The following FUT9 variants were observed in gnomAD, a reference collection of about 807,000 sequenced individuals.
FUT9 encodes the protein fucosyltransferase 9.
Under a neutral mutation model 29.7 loss-of-function variants are expected in FUT9, and 15 were observed. The ratio of observed to expected loss-of-function variants is 0.51; its 90% confidence interval spans 0.34 to 0.78. The LOEUF (loss-of-function observed/expected upper bound fraction) is 0.78. FUT9 is among the 30% of genes least tolerant of loss of function. FUT9 has a pLI of 0.01. For missense variants in FUT9, 319 were observed against 425.4 expected (o/e 0.75, Z 2.20); for synonymous variants, 169 against 153.7 (o/e 1.10, Z -0.74).
chr6:96,081,743 T>C (rs543305359), intron 1 of FUT9, among the ~76,000 whole-genome samples: 1 of 152,030 alleles, frequency 6.6e-6, no homozygotes, highest in African/African-American at 2.4e-5. Flanking sequence ...CAATAGATTA[T>C]GCCAAACTAT....
At chr6:96,052,474 A>C (rs1770688506) in intron 1 of FUT9, among the ~76,000 whole-genome samples, 1 of 152,196 alleles carries the variant, frequency 6.6e-6, no homozygotes, top group Admixed American at 6.5e-5. Context: ...ATGCATCACA[A>C]GGTTCCAAGT....
intron 1 of FUT9, among the ~76,000 whole-genome samples, chr6:96,027,919 T>A (rs1314341060): frequency 1.3e-5 from 2 of 151,652 alleles, no homozygotes; most frequent in African/African-American, 2.4e-5. Flanking sequence ...TGTAATTTTT[T>A]TGTCCCTACA....
At chr6:96,145,625 T>G (rs534810637) in intron 2 of FUT9, among the ~76,000 whole-genome samples, 2 of 152,182 alleles carry the variant, frequency 1.3e-5, no homozygotes, top group Non-Finnish European at 1.5e-5. Context: ...AAGGCCTCAT[T>G]GTGGAAACTT....
Position 96,095,440 on chromosome 6 carries a change from C to T in FUT9, c.-97-18599C>T, listed in dbSNP as rs139954838. Among the ~76,000 whole-genome samples the T allele has an allele frequency of 1.9e-3, 290 of 152,260 alleles. 2 individuals carry two copies. Among genetic ancestry groups the T allele is most frequent in the African/African-American group, 6.7e-3 (277 of 41,548 alleles). ...TCAACTAGGCTTGCCCCACCATTCA[C>T]CATAGCTTTTCCTGTCTAACATACC... On this transcript the variant is annotated intron_variant, in intron 1 of 2. Transcript: ENST00000302103.
chr6:96,062,148 C>T (rs1055863262), intron 1 of FUT9, among the ~76,000 whole-genome samples: 1 of 151,820 alleles, frequency 6.6e-6, no homozygotes, highest in African/African-American at 2.4e-5. Flanking sequence ...ATGTAGCAAA[C>T]CTGCATGTTC....
intron 1 of FUT9, among the ~76,000 whole-genome samples, chr6:96,018,557 A>G (rs1266556238): frequency 6.6e-6 from 1 of 152,108 alleles, no homozygotes; most frequent in Non-Finnish European, 1.5e-5. Context: ...AGGCACACCA[A>G]TATTGGAATG....
chr6:96,114,236 T>C (rs1169640715), intron 2 of FUT9, 109 bp downstream of exon 2: 2 of 152,108 alleles, frequency 1.3e-5, no homozygotes, highest in Non-Finnish European at 1.5e-5. Flanking sequence ...CTAAAACTCA[T>C]CCAAGTTACA....
At chr6:96,106,213 C>CCTTCCTTCCTTCCTT (rs1771681397) in intron 1 of FUT9, among the ~76,000 whole-genome samples, 1 of 137,142 alleles carries the variant, frequency 7.3e-6, no homozygotes, top group Non-Finnish European at 1.6e-5. Context: ...AATCCATCAA[C>CCTTCCTTCCTTCCTT]CCTTCCTTCC....
At chr6:96,182,477 C>T (rs1205917979) in intron 2 of FUT9, among the ~76,000 whole-genome samples, 1 of 151,892 alleles carries the variant, frequency 6.6e-6, no homozygotes, top group Admixed American at 6.6e-5. Context: ...TTTGGGTTCT[C>T]GGTCATGAAA....
chr6:96,187,505 G>A (rs938108264), intron 2 of FUT9, among the ~76,000 whole-genome samples: 9 of 152,062 alleles, frequency 5.9e-5, no homozygotes, highest in African/African-American at 1.9e-4. Flanking sequence ...GTAATTCCTA[G>A]AAAAGTTTGG....
At chr6:96,065,072 G>A (rs531121597) in intron 1 of FUT9, among the ~76,000 whole-genome samples, 1 of 152,222 alleles carries the variant, frequency 6.6e-6, no homozygotes, top group African/African-American at 2.4e-5. Flanking sequence ...TGAATTTTAA[G>A]AACAATGATT....
chr6:96,088,530 TTGTGTGTG>T (rs35995545), intron 1 of FUT9, among the ~76,000 whole-genome samples: 21,548 of 148,666 alleles, frequency 0.14, 1,884 homozygotes, highest in Non-Finnish European at 0.2. Context: ...TTTGTTTGTT[TTGTGTGTG>T]TGTGTGTGTG....
intron 2 of FUT9, among the ~76,000 whole-genome samples, chr6:96,188,742 T>G: frequency 6.7e-6 from 1 of 150,332 alleles, no homozygotes; most frequent in Middle Eastern, 3.5e-3. Flanking sequence ...AAATGAACAG[T>G]AAGAAATACA....
intron 2 of FUT9, among the ~76,000 whole-genome samples, chr6:96,197,024 A>G (rs1050612352): frequency 4.6e-5 from 7 of 151,976 alleles, no homozygotes; most frequent in African/African-American, 9.7e-5. Context: ...GCTTTAGGAG[A>G]TAATGAGTGG....
chr6:96,145,299 G>A (rs897686228), intron 2 of FUT9, among the ~76,000 whole-genome samples: 5 of 151,976 alleles, frequency 3.3e-5, no homozygotes, highest in East Asian at 1.9e-4. Flanking sequence ...ACCGTGATCC[G>A]CCCGCCTCGG....
intron 2 of FUT9, among the ~76,000 whole-genome samples, chr6:96,154,004 C>T (rs1040049296): frequency 1.3e-5 from 2 of 152,064 alleles, no homozygotes; most frequent in Admixed American, 6.6e-5. Flanking sequence ...ATGTTTCTGC[C>T]ACATTAACCT....
At chr6:96,162,173 A>G (rs1202047964) in intron 2 of FUT9, among the ~76,000 whole-genome samples, 1 of 152,060 alleles carries the variant, frequency 6.6e-6, no homozygotes, top group Non-Finnish European at 1.5e-5. Context: ...GTCATATCTG[A>G]GTCTAGTTCT....
rs945759087 is a variant in FUT9, at chr6:96,065,864, G to T, written c.-97-48175G>T. Among the ~76,000 whole-genome samples the T allele has an allele frequency of 2.5e-4, 38 of 152,186 alleles. 1 individual carries two copies. Among genetic ancestry groups the T allele is most frequent in the Non-Finnish European group, 1.5e-5 (1 of 68,008 alleles). The stretch of plus-strand genomic sequence containing the variant: ...GCAAGATAACAGAAAGGAATAGATT[G>T]TTGTCGCAAGATAATGGTTGCTGAC... On this transcript the variant is annotated intron_variant, in intron 1 of 2. Transcript: ENST00000302103.
chr6:96,199,282 A>G (rs778041071), intron 2 of FUT9, among the ~76,000 whole-genome samples: 1 of 152,140 alleles, frequency 6.6e-6, no homozygotes, highest in African/African-American at 2.4e-5. Context: ...GGAATAGGTG[A>G]AAAGGATTCT....
Sources: allele counts gnomAD v4.1 joint callset (sites outside exome capture counted in the v4.1 genomes callset), GRCh38; gene constraint gnomAD v4.1.1; transcripts MANE v1.5; gene names NCBI Gene and HGNC (gene_info 2026-07-23, HGNC 2026-07-21).